ROBO1: variants seen among roughly 807,000 people sequenced by gnomAD.
The protein encoded by ROBO1 is roundabout homolog 1.
In ROBO1, 149 loss-of-function variants were observed where a neutral mutation model predicts 195.9. That is an observed-to-expected ratio of 0.76 (90% confidence interval 0.67 to 0.87). The LOEUF (loss-of-function observed/expected upper bound fraction) is 0.87. Ranked by LOEUF, ROBO1 falls within the 40% of genes least tolerant of loss-of-function variation. ROBO1 has a pLI of 0.00. For missense variants in ROBO1, 1,933 were observed against 2,068.3 expected, an observed-to-expected ratio of 0.93 and a Z score of 1.27; for synonymous variants, 816 against 733.2, an observed-to-expected ratio of 1.11 and a Z score of -1.82.
intron 2 of ROBO1, among the ~76,000 whole-genome samples, chr3:79,447,257 T>G (rs2107172465): frequency 6.6e-6 from 1 of 152,152 alleles, no homozygotes; most frequent in South Asian, 2.1e-4. Context: ...TGAGGCTCAT[T>G]GAAGAAACTG....
At chr3:79,063,371 G>A (rs975692277) in intron 3 of ROBO1, among the ~76,000 whole-genome samples, 4 of 151,888 alleles carry the variant, frequency 2.6e-5, no homozygotes, top group African/African-American at 9.7e-5. Flanking sequence ...CAACGTTAGT[G>A]TTGTTTCATC....
intron 1 of ROBO1, among the ~76,000 whole-genome samples, chr3:79,765,706 G>A (rs967645565): frequency 3.3e-5 from 5 of 152,060 alleles, no homozygotes; most frequent in African/African-American, 9.7e-5. Flanking sequence ...GAGGCACATG[G>A]AAAGCGAGGA....
intron 4 of ROBO1, among the ~76,000 whole-genome samples, chr3:78,849,950 A>T (rs2033943957): frequency 6.6e-6 from 1 of 152,052 alleles, no homozygotes; most frequent in Non-Finnish European, 1.5e-5. Context: ...AAATATTATA[A>T]CGTAGTTTAC....
intron 1 of ROBO1, among the ~76,000 whole-genome samples, chr3:79,721,836 A>G (rs1284827315): frequency 6.6e-6 from 1 of 152,034 alleles, no homozygotes; most frequent in African/African-American, 2.4e-5. Flanking sequence ...GAAGTGTAGA[A>G]CTTTCATTGA....
chr3:79,050,439 A>C lies in ROBO1; in HGVS notation c.172+75017T>G, dbSNP rs527445128. ...TACAAAGAGACTTAGACTCCCACAC[A>C]ATAATAGTGGGAGACTTTAACACCC... is the stretch of plus-strand genomic sequence containing the variant. On this transcript the variant is annotated intron_variant, in intron 3 of 30. Transcript: ENST00000464233. Among the ~76,000 whole-genome samples the C allele has an allele frequency of 5.3e-5, 8 of 152,260 alleles. No individual in the cohort carries two copies. The South Asian group carries it at 1.7e-3, about 32-fold the overall frequency.
intron 1 of ROBO1, among the ~76,000 whole-genome samples, chr3:79,664,195 G>A (rs904836390): frequency 6.6e-6 from 1 of 151,964 alleles, no homozygotes; most frequent in Admixed American, 6.6e-5. Flanking sequence ...GAAATTGCTA[G>A]GGGTCAATGA....
intron 3 of ROBO1, among the ~76,000 whole-genome samples, chr3:78,942,399 AAC>A (rs2040189194): frequency 6.6e-6 from 1 of 152,124 alleles, no homozygotes; most frequent in South Asian, 2.1e-4. Context: ...TCATAAAATC[AAC>A]AGAGTCTAGC....
intron 4 of ROBO1, among the ~76,000 whole-genome samples, chr3:78,933,826 A>G (rs1314480794): frequency 2.0e-5 from 3 of 152,000 alleles, no homozygotes; most frequent in Non-Finnish European, 4.4e-5. Context: ...AACAAAACTG[A>G]GTGGACTCAA....
chr3:79,309,430 C>G (rs1381990421), intron 2 of ROBO1, among the ~76,000 whole-genome samples: 6 of 151,812 alleles, frequency 4.0e-5, no homozygotes, highest in African/African-American at 1.5e-4. Context: ...AACCCAGTCT[C>G]TACAAAAAAA....
intron 4 of ROBO1, among the ~76,000 whole-genome samples, chr3:78,819,859 T>G (rs752996069): frequency 7.2e-5 from 11 of 152,188 alleles, no homozygotes; most frequent in Non-Finnish European, 1.2e-4. Context: ...GTTGAGAATT[T>G]TATTAGAATT....
intron 1 of ROBO1, among the ~76,000 whole-genome samples, chr3:79,682,801 A>G (rs1946988094): frequency 6.6e-6 from 1 of 151,968 alleles, no homozygotes; most frequent in Non-Finnish European, 1.5e-5. Flanking sequence ...GGTATTAAAT[A>G]ATATTGAGGA....
chr3:78,850,253 T>C (rs1374109971), intron 4 of ROBO1, among the ~76,000 whole-genome samples: 2 of 152,198 alleles, frequency 1.3e-5, no homozygotes, highest in East Asian at 3.9e-4. Flanking sequence ...TTGAGCATTG[T>C]TTTTGGCTAC....
At chr3:79,531,872 A>T (rs928833267) in intron 2 of ROBO1, among the ~76,000 whole-genome samples, 1 of 152,194 alleles carries the variant, frequency 6.6e-6, no homozygotes, top group South Asian at 2.1e-4. Flanking sequence ...TAAAAGCATA[A>T]ATCAAAATTA....
chr3:78,638,290 G>A (rs1262375627), intron 22 of ROBO1, among the ~76,000 whole-genome samples: 1 of 139,242 alleles, frequency 7.2e-6, no homozygotes, highest in Non-Finnish European at 1.6e-5. Context: ...CTTACATATA[G>A]GTGTATATAC....
At chr3:78,801,173 A>G (rs185937620) in intron 4 of ROBO1, among the ~76,000 whole-genome samples, 1 of 152,084 alleles carries the variant, frequency 6.6e-6, no homozygotes, top group Non-Finnish European at 1.5e-5. Flanking sequence ...AAAGTTAAGA[A>G]TTTTCCAGTC....
intron 2 of ROBO1, among the ~76,000 whole-genome samples, chr3:79,359,784 T>A (rs996613336): frequency 6.6e-6 from 1 of 151,922 alleles, no homozygotes; most frequent in Non-Finnish European, 1.5e-5. Context: ...AAATAATAGA[T>A]TTCCTTTTAG....
chr3:79,085,515 T>C (rs551341413), intron 3 of ROBO1, among the ~76,000 whole-genome samples: 1 of 151,972 alleles, frequency 6.6e-6, no homozygotes, highest in East Asian at 1.9e-4. Flanking sequence ...TGAGAAAACA[T>C]TTTTCTTCTT....
intron 2 of ROBO1, among the ~76,000 whole-genome samples, chr3:79,473,908 G>A (rs754381169): frequency 6.6e-6 from 1 of 152,054 alleles, no homozygotes; most frequent in Non-Finnish European, 1.5e-5. Flanking sequence ...CTTCCTATTA[G>A]CCAGAGAGCA....
chr3:78,732,231 A>G (rs2082301779), intron 5 of ROBO1, among the ~76,000 whole-genome samples: 1 of 152,084 alleles, frequency 6.6e-6, no homozygotes, highest in African/African-American at 2.4e-5. Context: ...CAAATTCACA[A>G]TATTTTTAAA....
Sources: gnomAD v4.1 joint callset for allele counts (sites outside exome capture counted in the v4.1 genomes callset) on GRCh38, gnomAD v4.1.1 for gene constraint, MANE v1.5 for transcripts, NCBI Gene and HGNC (gene_info 2026-07-23, HGNC 2026-07-21) for gene names.